Variants in TBC1D22B observed in about 807,000 individuals in gnomAD.
TBC1D22B encodes the protein TBC1 domain family member 22B.
Under a neutral mutation model 69.1 loss-of-function variants are expected in TBC1D22B, and 32 were observed. That is an observed-to-expected ratio of 0.46 (90% CI 0.35 to 0.62). The LOEUF (loss-of-function observed/expected upper bound fraction) is 0.62. Ranked by LOEUF, TBC1D22B falls within the 20% of genes least tolerant of loss-of-function variation. The pLI, the probability that TBC1D22B is intolerant of heterozygous loss-of-function variation, is 0.00. For missense variants in TBC1D22B, 462 were observed against 630.9 expected (o/e 0.73, Z 2.87); for synonymous variants, 206 against 229.8 (o/e 0.90, Z 0.94).
chr6:37,283,872 G>T (rs1766922707), intron 5 of TBC1D22B, among the ~76,000 whole-genome samples: 2 of 152,224 alleles, frequency 1.3e-5, no homozygotes, highest in Admixed American at 1.3e-4. Context: ...AATTCTGAAA[G>T]TTACACTGGA....
intron 3 of TBC1D22B, among the ~76,000 whole-genome samples, chr6:37,280,813 T>C (rs936802001): frequency 1.3e-5 from 2 of 152,250 alleles, no homozygotes; most frequent in Non-Finnish European, 2.9e-5. Flanking sequence ...ACACTAGGCG[T>C]CCCAGCCAAC....
chr6:37,284,184 G>A lies in TBC1D22B; in HGVS notation c.673-152G>A, dbSNP rs961050438. Reference sequence around the variant, plus strand: ...ATGTGGATCTCATTGAATGAGGAGAGGGCAAAAAATGGGTGGCCAGAACCA... The same window carrying A: ...ATGTGGATCTCATTGAATGAGGAGAAGGCAAAAAATGGGTGGCCAGAACCA... On this transcript the variant is annotated intron_variant, in intron 5 of 12. Coordinates refer to ENST00000373491, the MANE Select transcript of TBC1D22B (RefSeq NM_017772.4). 74 of 1,100,444 alleles carry A rather than the reference G, an allele frequency of 6.7e-5. 1 individual carries two copies. Among genetic ancestry groups the A allele is most frequent in the Non-Finnish European group, 9.1e-5 (69 of 760,650 alleles). The allele number at this position is 1,100,444 out of a possible 1,614,324, so 68.2% of individuals were successfully genotyped here. A position where few individuals can be genotyped will look rare whatever the true frequency, so the allele number is the denominator to read the frequency against.
chr6:37,304,439 A>G (rs1425387444), intron 8 of TBC1D22B, among the ~76,000 whole-genome samples: 1 of 152,268 alleles, frequency 6.6e-6, no homozygotes, highest in Non-Finnish European at 1.5e-5. Context: ...AGCAGTACTC[A>G]GCAATAAATG....
chr6:37,302,646 A>C (rs1414652357), intron 8 of TBC1D22B, among the ~76,000 whole-genome samples: 2 of 152,222 alleles, frequency 1.3e-5, no homozygotes, highest in African/African-American at 4.8e-5. Context: ...AAAACAGCAC[A>C]GTAGGATTTT....
At chr6:37,285,315 CTTTTTTTTTTTT>C (rs756459599) in intron 6 of TBC1D22B, among the ~76,000 whole-genome samples, 4 of 73,552 alleles carry the variant, frequency 5.4e-5, no homozygotes, top group South Asian at 1.2e-3. Flanking sequence ...TCCTTCCCCA[CTTTTTTTTTTTT>C]TTTTTTTTTT....
At chr6:37,302,240 C>T (rs1237139500) in intron 8 of TBC1D22B, among the ~76,000 whole-genome samples, 2 of 152,212 alleles carry the variant, frequency 1.3e-5, no homozygotes, top group Non-Finnish European at 2.9e-5. Context: ...CCAGCTGCTC[C>T]TGTAAAAGTG....
At chr6:37,280,262 T>C (rs1370692691) in intron 3 of TBC1D22B, among the ~76,000 whole-genome samples, 2 of 152,196 alleles carry the variant, frequency 1.3e-5, no homozygotes, top group African/African-American at 4.8e-5. Context: ...TAAATATTCA[T>C]GGTTATGTTT....
intron 7 of TBC1D22B, among the ~76,000 whole-genome samples, chr6:37,289,374 A>G (rs1767107020): frequency 6.6e-6 from 1 of 152,268 alleles, no homozygotes; most frequent in Admixed American, 6.5e-5. Flanking sequence ...TCTATAAGGC[A>G]GGATTATCCC....
At chr6:37,304,800 TTC>T (rs1249433132) in intron 8 of TBC1D22B, among the ~76,000 whole-genome samples, 1 of 152,224 alleles carries the variant, frequency 6.6e-6, no homozygotes, top group Non-Finnish European at 1.5e-5. Flanking sequence ...AAAAATCGCT[TTC>T]TTAGTTTAAT....
In TBC1D22B at chr6:37,261,960, TGTGTGTGTG is replaced by T; in HGVS notation, c.56+3988_56+3996del. 6.1e-5 allele frequency among the ~76,000 whole-genome samples: 7 copies of T among 114,058 alleles called. 1 individual carries two copies. Among genetic ancestry groups the T allele is most frequent in the Non-Finnish European group, 1.0e-4 (6 of 58,122 alleles). The allele number at this position is 114,058 out of a possible 152,430, so 74.8% of individuals were successfully genotyped here. On this transcript the variant is annotated intron_variant, in intron 1 of 12. Coordinates refer to ENST00000373491, the MANE Select transcript of TBC1D22B (RefSeq NM_017772.4). ...GCTTTGGTCAGTGTGTGTGTGTGTG[TGTGTGTGTG>T]TGTGTGTGTGTGTGTGTGTGTGTGT...
intron 2 of TBC1D22B, among the ~76,000 whole-genome samples, chr6:37,278,191 G>C (rs1265405438): frequency 6.6e-6 from 1 of 152,182 alleles, no homozygotes; most frequent in Non-Finnish European, 1.5e-5. Context: ...ATTAAATCCA[G>C]AGGCAGATCT....
chr6:37,316,591 C>G (rs780913119), intron 10 of TBC1D22B, 112 bp from the exon 11 acceptor site: 75 of 1,239,236 alleles, frequency 6.1e-5, no homozygotes, highest in Non-Finnish European at 8.4e-5. Context: ...TCCTCTGTGT[C>G]TGCTTACCCA....
intron 11 of TBC1D22B, 130 bp from the exon 12 acceptor site, chr6:37,316,981 A>T: frequency 6.8e-7 from 1 of 1,478,758 alleles, no homozygotes; most frequent in Non-Finnish European, 9.2e-7. Flanking sequence ...GCCTTTGCTA[A>T]GTCTCTTCAG....
intron 2 of TBC1D22B, among the ~76,000 whole-genome samples, chr6:37,275,434 C>T (rs562425490): frequency 1.2e-4 from 19 of 152,050 alleles, no homozygotes; most frequent in African/African-American, 4.6e-4. Context: ...GTTTACTTGG[C>T]GACTTCTCTT....
intron 8 of TBC1D22B, among the ~76,000 whole-genome samples, chr6:37,307,317 A>C (rs1156910152): frequency 6.7e-6 from 1 of 149,910 alleles, no homozygotes; most frequent in African/African-American, 2.4e-5. Flanking sequence ...TTTCTCAGTC[A>C]GTTTACTTTT....
At chr6:37,321,789 G>C in intron 12 of TBC1D22B, among the ~76,000 whole-genome samples, 1 of 152,212 alleles carries the variant, frequency 6.6e-6, no homozygotes, top group Non-Finnish European at 1.5e-5. Context: ...GAGCTCTCAG[G>C]CTTCTGTTAG....
intron 2 of TBC1D22B, among the ~76,000 whole-genome samples, chr6:37,272,633 C>T (rs1378014142): frequency 6.6e-6 from 1 of 152,212 alleles, no homozygotes; most frequent in African/African-American, 2.4e-5. Context: ...AGTGATCAGC[C>T]TGCCTTGGCC....
intron 11 of TBC1D22B, 32 bp downstream of exon 11, chr6:37,316,862 G>T: frequency 6.2e-7 from 1 of 1,613,456 alleles, no homozygotes; most frequent in Non-Finnish European, 8.5e-7. Context: ...CTCTGTGCCA[G>T]GCTGTCTCTG....
Position 37,279,317 on chromosome 6 carries a change from C to T in TBC1D22B, c.127C>T (p.Arg43Ter), listed in dbSNP as rs1437607318. Residue 43 changes from arginine to a stop codon, truncating the protein, a stop_gained, in exon 3 of 13, where the codon CGA becomes TGA. Coordinates refer to ENST00000373491, the MANE Select transcript of TBC1D22B (RefSeq NM_017772.4). LOFTEE classifies it high-confidence loss of function. ...CCTTTCTTGAAGTTTCATTAAAGAA[C>T]GATCAAAAGTCAACACAGTTCCTCT... is the stretch of plus-strand genomic sequence containing the variant. Reference protein sequence around the residue: ...PRLTKNFIKERSKVNTVPLKN... With the variant: ...PRLTKNFIKE 5.6e-6 allele frequency: 9 copies of T among 1,595,564 alleles called. No individual in the cohort carries two copies. Among genetic ancestry groups the T allele is most frequent in the East Asian group, 2.2e-5 (1 of 44,618 alleles).
Sources: allele counts gnomAD v4.1 joint callset (sites outside exome capture counted in the v4.1 genomes callset), GRCh38; gene constraint gnomAD v4.1.1; transcripts MANE v1.5; gene names NCBI Gene and HGNC (gene_info 2026-07-23, HGNC 2026-07-21).